The following DNAH17 variants were observed in gnomAD, a reference collection of about 807,000 sequenced individuals.
The protein encoded by DNAH17 is dynein axonemal heavy chain 17, also known as axonemal beta dynein heavy chain 17.
Under a neutral mutation model 485.6 loss-of-function variants are expected in DNAH17, and 376 were observed. The observed-to-expected ratio is 0.77, with a 90% CI of 0.71 to 0.84. The LOEUF is 0.84. Ranked by LOEUF, DNAH17 falls within the 40% of genes least tolerant of loss-of-function variation. The pLI, the probability that DNAH17 is intolerant of heterozygous loss-of-function variation, is 0.00. For synonymous variants in DNAH17, 3,031 were observed against 2,405.9 expected, an observed-to-expected ratio of 1.26 and a Z score of -7.60; for missense variants, 6,370 against 5,839.3, an observed-to-expected ratio of 1.09 and a Z score of -2.96.
intron 31 of DNAH17, among the ~76,000 whole-genome samples, 199 bp from the exon 32 acceptor site, chr17:78,503,210 T>C (rs1598602767): frequency 1.0e-5 from 1 of 100,234 alleles, no homozygotes; most frequent in African/African-American, 3.6e-5. Flanking sequence ...GATGGAGTCT[T>C]GCTCTGTCAC....
intron 37 of DNAH17, 102 bp from the exon 38 acceptor site, chr17:78,496,134 C>A: frequency 2.3e-6 from 3 of 1,298,610 alleles, no homozygotes; most frequent in Non-Finnish European, 3.1e-6. Flanking sequence ...CGAATTTGCG[C>A]CTGCAAATTC....
In DNAH17 at chr17:78,425,379, C is replaced by T. The variant is rs1162602631; in HGVS notation, c.13108G>A (p.Glu4370Lys). The T allele has an allele frequency of 6.2e-7, 1 of 1,614,028 alleles. No individual in the cohort carries two copies. Among genetic ancestry groups the T allele is most frequent in the East Asian group, 2.2e-5 (1 of 44,888 alleles). ...AAGAGTCCGTACACGTAGGAGCCCT[C>T]TCGCGGAGGAGCGGTCATGTCCTCT... ...NREDMTAPPREGSYVYGLFME... is the reference protein window; with the variant it reads ...NREDMTAPPRKGSYVYGLFME... Residue 4370 changes from glutamate (E) to lysine (K), a missense_variant, in exon 80 of 81, where the codon GAG becomes AAG. Transcript: ENST00000389840.
rs749086756 is a variant in DNAH17, at chr17:78,450,293, A to G, written c.11001T>C (p.Asp3667=). 5 of 1,613,790 alleles carry G rather than the reference A, an allele frequency of 3.1e-6. No individual in the cohort carries two copies. The Admixed American group carries it at 6.7e-5, about 22-fold the overall frequency. The change falls in exon 68 of 81, where the codon GAT becomes GAC. Residue 3667 remains aspartate, a synonymous_variant. Transcript: ENST00000389840. ...RASLLYFILN[D]LNKINPVYQF... ...GGTAGACGGGGTTGATTTTGTTGAG[A>G]TCGTTCAGTATGAAGTAGAGCAGAG...
intron 44 of DNAH17, among the ~76,000 whole-genome samples, chr17:78,486,919 G>C (rs138507576): frequency 1.3e-5 from 2 of 151,958 alleles, no homozygotes; most frequent in South Asian, 2.1e-4. Flanking sequence ...ACAAGGATAG[G>C]AGCAGGGACA....
intron 24 of DNAH17, among the ~76,000 whole-genome samples, chr17:78,525,802 A>G (rs2091053278): frequency 6.6e-6 from 1 of 152,208 alleles, no homozygotes. Context: ...GGCCCTAGGG[A>G]GAGAATGGCT....
At chr17:78,521,648 A>G (rs1598634132) in intron 25 of DNAH17, among the ~76,000 whole-genome samples, 1 of 152,318 alleles carries the variant, frequency 6.6e-6, no homozygotes, top group East Asian at 1.9e-4. Flanking sequence ...GGAAAAATTG[A>G]TAAAATGGAT....
In DNAH17 at chr17:78,552,763, A is replaced by C. The variant is rs764434803; in HGVS notation, c.2221T>G (p.Ser741Ala). ...TTGACATCAATTGCTTCCAGTTCTG[A>C]CTTTATTAGTAGAAATTCTACTGCC... ...VKAVEFLLIK[S>A]ELEAIDVKLL... The change falls in exon 15 of 81, where the codon TCA (serine) becomes GCA (alanine). Residue 741 changes from serine (S) to alanine (A), a missense_variant. Transcript: ENST00000389840. 4 of 1,613,784 alleles carry C rather than the reference A, an allele frequency of 2.5e-6. No individual in the cohort carries two copies. In the Admixed American group the frequency reaches 6.7e-5, roughly 27 times the overall value.
chr17:78,566,567 C>G, intron 11 of DNAH17, 47 bp downstream of exon 11: 1 of 1,355,330 alleles, frequency 7.4e-7, no homozygotes, highest in Non-Finnish European at 1.0e-6. Flanking sequence ...AATCCACCAC[C>G]ACAGTGCCAG....
At chr17:78,567,567 T>G (rs2092287788) in intron 9 of DNAH17, among the ~76,000 whole-genome samples, 1 of 152,138 alleles carries the variant, frequency 6.6e-6, no homozygotes, top group African/African-American at 2.4e-5. Flanking sequence ...TGCTAAGCTT[T>G]AAATTCCCCG....
chr17:78,459,964 G>A lies in DNAH17; in HGVS notation c.9473C>T (p.Pro3158Leu), dbSNP rs371315860. Residue 3158 changes from proline (P) to leucine (L), a missense_variant, in exon 60 of 81, where the codon CCG becomes CTG. Transcript: ENST00000389840. ...LTELKSFGSPPDAVVNVTAAV... is the reference protein window; with the variant it reads ...LTELKSFGSPLDAVVNVTAAV... ...GGCGGTGACGTTGACCACAGCATCC[G>A]GCGGGGACCCAAAGGACTTCAGCTC... 339 of 1,613,280 alleles carry A rather than the reference G, an allele frequency of 2.1e-4. 1 individual carries two copies. The highest frequency in any genetic ancestry group is 2.6e-4 in the Non-Finnish European group (304 of 1,179,898).
intron 20 of DNAH17, among the ~76,000 whole-genome samples, chr17:78,530,987 A>C (rs1035557069): frequency 6.6e-6 from 1 of 152,130 alleles, no homozygotes; most frequent in Non-Finnish European, 1.5e-5. Context: ...TTTGTGCGTT[A>C]ACTATGTTTT....
intron 54 of DNAH17, among the ~76,000 whole-genome samples, chr17:78,469,329 G>T (rs2088639799): frequency 6.6e-6 from 1 of 152,208 alleles, no homozygotes; most frequent in African/African-American, 2.4e-5. Flanking sequence ...TTTAAGTAGA[G>T]ACAGGGTTTC....
chr17:78,547,897 T>G (rs1210761301), intron 16 of DNAH17, among the ~76,000 whole-genome samples: 1 of 152,008 alleles, frequency 6.6e-6, no homozygotes, highest in Non-Finnish European at 1.5e-5. Context: ...GGATTACAGG[T>G]GTGAGCCACC....
chr17:78,457,994 G>A (rs1035174633), intron 62 of DNAH17, among the ~76,000 whole-genome samples: 1 of 151,836 alleles, frequency 6.6e-6, no homozygotes, highest in African/African-American at 2.4e-5. Flanking sequence ...TAGTAAGATG[G>A]GGTTTCGTCA....
At chr17:78,426,886 A>C in intron 78 of DNAH17, 40 bp downstream of exon 78, 2 of 1,566,086 alleles carry the variant, frequency 1.3e-6, no homozygotes, top group Non-Finnish European at 1.7e-6. Context: ...TGGTTTCACC[A>C]TCCAGCCACG....
Position 78,450,836 on chromosome 17 carries a change from G to C in DNAH17, c.10745C>G (p.Thr3582Ser). The C allele has an allele frequency of 1.2e-6, 2 of 1,613,970 alleles. No individual in the cohort carries two copies. Among genetic ancestry groups the C allele is most frequent in the Non-Finnish European group, 1.7e-6 (2 of 1,179,892 alleles). ...AATCTTAAATTCGTTTTGAGACTTGGTGAGGTTTGCCTGCAAGGGGAGGTG... is the reference window on the plus strand; with the variant it reads ...AATCTTAAATTCGTTTTGAGACTTGCTGAGGTTTGCCTGCAAGGGGAGGTG... ...PDLEQLKANL[T>S]KSQNEFKIVL... Residue 3582 changes from threonine to serine, a missense_variant, in exon 67 of 81, where the codon ACC (threonine) becomes AGC (serine). Thr to Ser is a moderately conservative substitution (Grantham distance 58). Coordinates refer to ENST00000389840, the MANE Select transcript of DNAH17 (RefSeq NM_173628.4).
chr17:78,519,086 T>G (rs1568188622), intron 25 of DNAH17, among the ~76,000 whole-genome samples: 1 of 139,148 alleles, frequency 7.2e-6, no homozygotes. Flanking sequence ...GAGAATGGCG[T>G]GAACCCAGGA....
intron 42 of DNAH17, among the ~76,000 whole-genome samples, chr17:78,491,940 G>A (rs1273544785): frequency 6.6e-6 from 1 of 152,218 alleles, no homozygotes; most frequent in Non-Finnish European, 1.5e-5. Context: ...TGCGGAGCAC[G>A]CTTCATGCGT....
chr17:78,568,366 C>T (rs1024981613), intron 9 of DNAH17, among the ~76,000 whole-genome samples: 2 of 151,368 alleles, frequency 1.3e-5, no homozygotes, highest in Admixed American at 1.3e-4. Context: ...GAGAACTGGA[C>T]AAGCCTCTCC....
Sources: allele counts gnomAD v4.1 joint callset (sites outside exome capture counted in the v4.1 genomes callset), GRCh38; gene constraint gnomAD v4.1.1; transcripts MANE v1.5; gene names NCBI Gene and HGNC (gene_info 2026-07-23, HGNC 2026-07-21).